The following LARGE1 variants were observed in gnomAD, a reference collection of about 807,000 sequenced individuals.
LARGE1 encodes LARGE xylosyl- and glucuronyltransferase 1.
In LARGE1, 43 loss-of-function variants were observed where a neutral mutation model predicts 87.6. The ratio of observed to expected loss-of-function variants is 0.49; its 90% CI spans 0.38 to 0.63. The LOEUF is 0.63. Ranked by LOEUF, LARGE1 falls within the 30% of genes least tolerant of loss-of-function variation. The probability of loss-of-function intolerance (pLI) is 0.00; values close to 1 mark genes in which losing one functional copy is unlikely to be tolerated. For missense variants in LARGE1, 802 were observed against 1,000.2 expected (o/e 0.80, Z 2.67); for synonymous variants, 434 against 394.6 (o/e 1.10, Z -1.18).
At chr22:33,683,172 G>A (rs763593100) in intron 2 of LARGE1, among the ~76,000 whole-genome samples, 5 of 152,222 alleles carry the variant, frequency 3.3e-5, no homozygotes, top group Non-Finnish European at 7.3e-5. Flanking sequence ...GTGCCTGTGA[G>A]AGTATTTCTG....
chr22:33,711,980 C>T (rs1046285449), intron 2 of LARGE1, among the ~76,000 whole-genome samples: 1 of 152,122 alleles, frequency 6.6e-6, no homozygotes, highest in African/African-American at 2.4e-5. Context: ...GGGTTTTAAA[C>T]AGACATTATC....
At chr22:33,838,785 C>G (rs2063184058) in intron 1 of LARGE1, among the ~76,000 whole-genome samples, 2 of 152,122 alleles carry the variant, frequency 1.3e-5, no homozygotes, top group Admixed American at 1.3e-4. Context: ...CTCCCTCACT[C>G]CCCCAAAGGC....
Position 33,556,179 on chromosome 22 carries a change from A to T in LARGE1, c.787+8669T>A, listed in dbSNP as rs1054749444. On this transcript the variant is annotated intron_variant, in intron 6 of 14. Transcript: ENST00000397394. ...TTTTCCCTTTCAAGAGACTTTCTACACTTGCATGTAACCATGTGTTCAGAT... is the reference window on the plus strand; with the variant it reads ...TTTTCCCTTTCAAGAGACTTTCTACTCTTGCATGTAACCATGTGTTCAGAT... Among the ~76,000 whole-genome samples the T allele has an allele frequency of 1.4e-4, 21 of 151,824 alleles. No individual in the cohort carries two copies. The South Asian group carries it at 4.2e-3, about 30-fold the overall frequency.
At chr22:33,328,080 T>C (rs1346133210) in intron 10 of LARGE1, among the ~76,000 whole-genome samples, 1 of 152,174 alleles carries the variant, frequency 6.6e-6, no homozygotes, top group Non-Finnish European at 1.5e-5. Flanking sequence ...GTCATGATTA[T>C]ATTAGTGATA....
chr22:33,863,594 C>CAA (rs530225749), intron 1 of LARGE1, among the ~76,000 whole-genome samples: 17 of 122,110 alleles, frequency 1.4e-4, no homozygotes, highest in African/African-American at 4.5e-4. Context: ...CCGTCTCTAC[C>CAA]AAAAAAAAAA....
At chr22:33,506,566 G>A (rs1292966922) in intron 6 of LARGE1, among the ~76,000 whole-genome samples, 1 of 152,188 alleles carries the variant, frequency 6.6e-6, no homozygotes, top group Non-Finnish European at 1.5e-5. Context: ...ATTCTGTCTT[G>A]TCTGGCCTTT....
At chr22:33,379,558 G>A (rs2065094326) in intron 9 of LARGE1, among the ~76,000 whole-genome samples, 1 of 152,032 alleles carries the variant, frequency 6.6e-6, no homozygotes, top group Non-Finnish European at 1.5e-5. Context: ...CAACCCAAAT[G>A]TCCATCAGTG....
Position 33,564,829 on chromosome 22 carries a change from A to T in LARGE1, c.787+19T>A. Reference sequence around the variant, plus strand: ...TACCTACAAGGATATCGGGGAAAAAACGAATGGGCTACCATTACCTTTGAA... The same window carrying T: ...TACCTACAAGGATATCGGGGAAAAATCGAATGGGCTACCATTACCTTTGAA... On this transcript the variant is annotated intron_variant, in intron 6 of 14. Coordinates refer to ENST00000397394, the MANE Select transcript of LARGE1 (RefSeq NM_133642.5). The T allele has an allele frequency of 6.2e-7, 1 of 1,613,964 alleles. No homozygotes were observed. The highest frequency in any genetic ancestry group is 8.5e-7 in the Non-Finnish European group (1 of 1,179,930).
chr22:33,089,771 C>G, the LARGE1 span, among the ~76,000 whole-genome samples: 2 of 60,294 alleles, frequency 3.3e-5, no homozygotes, highest in African/African-American at 2.5e-4. Flanking sequence ...GCTGGGATTA[C>G]AGATACAGAG....
intron 2 of LARGE1, among the ~76,000 whole-genome samples, chr22:33,757,356 A>C (rs1336517628): frequency 6.6e-6 from 1 of 152,160 alleles, no homozygotes; most frequent in Non-Finnish European, 1.5e-5. Flanking sequence ...TTTTCAGTTC[A>C]CTTACATCAG....
chr22:33,418,696 C>G (rs1005618425), intron 7 of LARGE1, among the ~76,000 whole-genome samples: 3 of 151,922 alleles, frequency 2.0e-5, no homozygotes, highest in Non-Finnish European at 4.4e-5. Flanking sequence ...GCCAGGGGGC[C>G]AGAGTGGCTG....
At chr22:33,126,370 G>A in the LARGE1 span, among the ~76,000 whole-genome samples, 5 of 152,292 alleles carry the variant, frequency 3.3e-5, no homozygotes, top group Middle Eastern at 3.4e-3. Flanking sequence ...TCTGATTTGT[G>A]TTTTGGACTA....
the LARGE1 span, among the ~76,000 whole-genome samples, chr22:33,136,934 T>TCAAAA: frequency 1.7e-3 from 245 of 147,900 alleles, 1 homozygote; most frequent in African/African-American, 5.5e-3. Context: ...AATATTAAGG[T>TCAAAA]AAAAAAAAAA....
At chr22:33,451,713 C>T (rs1346117014) in intron 6 of LARGE1, among the ~76,000 whole-genome samples, 1 of 145,760 alleles carries the variant, frequency 6.9e-6, no homozygotes, top group East Asian at 1.9e-4. Context: ...CACGCACCAC[C>T]ACACCCAGCT....
intron 1 of LARGE1, among the ~76,000 whole-genome samples, chr22:33,772,462 C>T (rs754252807): frequency 3.9e-4 from 59 of 152,094 alleles, no homozygotes; most frequent in Non-Finnish European, 1.3e-4. Flanking sequence ...TGCTCTACTC[C>T]AGCCACACTG....
chr22:33,820,265 T>A (rs2086780923), intron 1 of LARGE1, among the ~76,000 whole-genome samples: 1 of 152,166 alleles, frequency 6.6e-6, no homozygotes, highest in Admixed American at 6.5e-5. Context: ...TGTTTTTAAT[T>A]TTTCTTCCCT....
intron 1 of LARGE1, among the ~76,000 whole-genome samples, chr22:33,852,852 T>C (rs1343174630): frequency 1.8e-5 from 1 of 55,640 alleles, no homozygotes; most frequent in Non-Finnish European, 3.1e-5. Flanking sequence ...CGAGACTCCG[T>C]CTCCAAAAAA....
the LARGE1 span, among the ~76,000 whole-genome samples, chr22:33,130,849 C>T: frequency 6.6e-6 from 1 of 151,600 alleles, no homozygotes; most frequent in Non-Finnish European, 1.5e-5. Context: ...ATAGAGACCA[C>T]GGTGAAACCC....
chr22:33,779,472 G>C (rs190679709), intron 1 of LARGE1, among the ~76,000 whole-genome samples: 4 of 152,106 alleles, frequency 2.6e-5, no homozygotes, highest in Non-Finnish European at 5.9e-5. Context: ...AGTTCCTAGC[G>C]ACAGTTTGAT....
Sources: allele counts gnomAD v4.1 joint callset (sites outside exome capture counted in the v4.1 genomes callset), GRCh38; gene constraint gnomAD v4.1.1; transcripts MANE v1.5; gene names NCBI Gene and HGNC (gene_info 2026-07-23, HGNC 2026-07-21).